The following EML5 variants were observed in gnomAD, a reference collection of about 807,000 sequenced individuals.
EML5 encodes the protein EMAP like 5, also known as echinoderm microtubule-associated protein-like 5.
EML5 carries 120 observed loss-of-function variants against 250.0 expected under a neutral mutation model. That is an observed-to-expected ratio of 0.48 (90% CI 0.41 to 0.56). EML5 has a LOEUF of 0.56. EML5 is among the 20% of genes least tolerant of loss of function. The pLI is 0.00. For missense variants in EML5, 2,006 were observed against 2,437.6 expected (o/e 0.82, Z 3.73); for synonymous variants, 771 against 806.5 (o/e 0.96, Z 0.75).
At chr14:88,725,139 T>C (rs2093647891) in intron 8 of EML5, among the ~76,000 whole-genome samples, 1 of 152,226 alleles carries the variant, frequency 6.6e-6, no homozygotes, top group African/African-American at 2.4e-5. Flanking sequence ...ATGATGGTTA[T>C]CATGGGCTTA....
At chr14:88,786,214 A>G (rs1478747963) in intron 1 of EML5, among the ~76,000 whole-genome samples, 1 of 152,152 alleles carries the variant, frequency 6.6e-6, no homozygotes, top group African/African-American at 2.4e-5. Context: ...CTAAATACCT[A>G]TCTAAACTCT....
intron 5 of EML5, 56 bp downstream of exon 5, chr14:88,740,331 T>C: frequency 6.9e-7 from 1 of 1,453,628 alleles, no homozygotes; most frequent in Non-Finnish European, 9.3e-7. Context: ...TCTATCATTC[T>C]AAGACAAGGT....
At chr14:88,687,487 C>T (rs1045942873) in intron 18 of EML5, among the ~76,000 whole-genome samples, 160 bp from the exon 19 acceptor site, 23 of 152,112 alleles carry the variant, frequency 1.5e-4, no homozygotes, top group African/African-American at 4.3e-4. Context: ...GTTTTTAAAC[C>T]GTCTACATGG....
chr14:88,715,533 G>A (rs1283060611), intron 8 of EML5, among the ~76,000 whole-genome samples: 4 of 152,022 alleles, frequency 2.6e-5, no homozygotes, highest in Admixed American at 2.0e-4. Context: ...TAAATATGGA[G>A]TTTATGAAAA....
chr14:88,660,770 A>AAAAAAG (rs2092068412), intron 25 of EML5, among the ~76,000 whole-genome samples: 9 of 152,006 alleles, frequency 5.9e-5, no homozygotes, highest in African/African-American at 2.2e-4. Context: ...AAGAAAAAAA[A>AAAAAAG]AACTTAATAT....
intron 25 of EML5, 76 bp downstream of exon 25, chr14:88,661,578 G>A (rs562943243): frequency 2.0e-5 from 25 of 1,274,074 alleles, no homozygotes; most frequent in Middle Eastern, 3.8e-4. Context: ...TAATAACAAT[G>A]AAGTGCTATG....
chr14:88,646,258 C>T (rs1376613477), intron 29 of EML5, among the ~76,000 whole-genome samples: 1 of 151,966 alleles, frequency 6.6e-6, no homozygotes, highest in Non-Finnish European at 1.5e-5. Context: ...CTTAAACATC[C>T]AATAAGAAAT....
chr14:88,645,222 C>T (rs1331409387), intron 29 of EML5, among the ~76,000 whole-genome samples: 3 of 152,140 alleles, frequency 2.0e-5, no homozygotes, highest in East Asian at 3.9e-4. Context: ...GATGGGGTTT[C>T]GCCATGTTGG....
chr14:88,747,597 T>C (rs1297088442), intron 2 of EML5, among the ~76,000 whole-genome samples: 2 of 152,098 alleles, frequency 1.3e-5, no homozygotes, highest in African/African-American at 2.4e-5. Flanking sequence ...GAAATAAGCT[T>C]AATGTGCGAA....
intron 25 of EML5, among the ~76,000 whole-genome samples, chr14:88,661,177 C>T (rs529397804): frequency 1.3e-5 from 2 of 152,330 alleles, no homozygotes; most frequent in African/African-American, 4.8e-5. Flanking sequence ...TAGCCTCCAA[C>T]TCCTGGGCTC....
At chr14:88,782,592 C>T (rs1489944775) in intron 1 of EML5, among the ~76,000 whole-genome samples, 2 of 152,170 alleles carry the variant, frequency 1.3e-5, no homozygotes, top group African/African-American at 2.4e-5. Flanking sequence ...CTGCTACATA[C>T]AGCCTAGAGA....
chr14:88,640,080 G>A (rs549092720), intron 31 of EML5, among the ~76,000 whole-genome samples: 47 of 152,156 alleles, frequency 3.1e-4, no homozygotes, highest in Admixed American at 1.3e-4. Context: ...AATACTACTA[G>A]GCCCCCCAAA....
intron 15 of EML5, among the ~76,000 whole-genome samples, chr14:88,696,468 C>G (rs551328613): frequency 3.2e-4 from 49 of 152,166 alleles, no homozygotes; most frequent in African/African-American, 1.1e-3. Context: ...TCTTTGCTAG[C>G]CTTTTACCCT....
At chr14:88,732,031 T>C (rs1342942418) in intron 7 of EML5, among the ~76,000 whole-genome samples, 1 of 152,192 alleles carries the variant, frequency 6.6e-6, no homozygotes, top group Non-Finnish European at 1.5e-5. Context: ...TTCACTCTGA[T>C]GGTAGTTTCT....
intron 23 of EML5, among the ~76,000 whole-genome samples, chr14:88,664,281 AAAAAAAAAAG>A (rs2092237333): frequency 2.0e-5 from 3 of 151,584 alleles, no homozygotes; most frequent in Admixed American, 6.6e-5. Context: ...GTCTCAAAAA[AAAAAAAAAAG>A]AAAAGAAAAA....
Position 88,792,791 on chromosome 14 carries a change from C to T in EML5, c.-288G>A, listed in dbSNP as rs2094623598. On this transcript the variant is annotated 5_prime_UTR_variant, in exon 1 of 44. Coordinates refer to ENST00000554922, the MANE Select transcript of EML5 (RefSeq NM_183387.3). The surrounding 1 kb of genome is among the most constrained non-coding windows in gnomAD (Gnocchi z 6.9). ...CCTCGGCTCGCCTAGTCTCCTCAGC[C>T]CGTAGCGCCTGGGCCGAGAGCGAGG... 1 of 1,004,480 alleles carries T rather than the reference C, an allele frequency of 1.0e-6. No homozygotes were observed. Among genetic ancestry groups the T allele is most frequent in the African/African-American group, 1.7e-5 (1 of 58,134 alleles). The allele number at this position is 1,004,480 out of a possible 1,614,324, so 62.2% of individuals were successfully genotyped here.
rs1355339142 is a variant in EML5, at chr14:88,612,521, A to T, written c.*3297T>A. 1 of 152,480 alleles carries T rather than the reference A, an allele frequency of 6.6e-6. No homozygotes were observed. Among genetic ancestry groups the T allele is most frequent in the Non-Finnish European group, 1.5e-5 (1 of 68,032 alleles). 9.4% of individuals were successfully genotyped at this position (152,480 alleles called of 1,614,324 possible). ...CACAAAATTATACAAATTTTTTTACAAGTATTTACATACTGTATCTGAAAA... is the reference window on the plus strand; with the variant it reads ...CACAAAATTATACAAATTTTTTTACTAGTATTTACATACTGTATCTGAAAA... On this transcript the variant is annotated 3_prime_UTR_variant, in exon 44 of 44. Transcript: ENST00000554922.
At chr14:88,770,472 A>G (rs1487893515) in intron 1 of EML5, among the ~76,000 whole-genome samples, 1 of 152,162 alleles carries the variant, frequency 6.6e-6, no homozygotes, top group Admixed American at 6.5e-5. Context: ...ACAAGAGACC[A>G]TTCAGTACAG....
In EML5 at chr14:88,704,884, C is replaced by T. The variant is rs768358354; in HGVS notation, c.2027G>A (p.Ser676Asn). Residue 676 changes from serine to asparagine, a missense_variant, in exon 13 of 44, where the codon AGT (serine) becomes AAT (asparagine). This residue lies in a region of EML5 where 1,375 missense variants were observed against 1,590.3 expected (regional missense o/e 0.86). Coordinates refer to ENST00000554922, the MANE Select transcript of EML5 (RefSeq NM_183387.3). ...CCCGTGAACAAAGTGTAATCGAATACTATTTCCTGGAGCCCGCTCTCTTCT... is the reference window on the plus strand; with the variant it reads ...CCCGTGAACAAAGTGTAATCGAATATTATTTCCTGGAGCCCGCTCTCTTCT... ...SKRRERAPGN[S>N]IRLHFVHGYR... 1.2e-5 allele frequency: 19 copies of T among 1,612,884 alleles called. No individual in the cohort carries two copies. The highest frequency in any genetic ancestry group is 6.7e-5 in the East Asian group (3 of 44,776).
Sources: gnomAD v4.1 joint callset for allele counts (sites outside exome capture counted in the v4.1 genomes callset) on GRCh38, gnomAD v4.1.1 for gene constraint, gnomAD v4.1.1 regional missense constraint, Gnocchi (gnomAD v3.1) non-coding constraint, MANE v1.5 for transcripts, NCBI Gene and HGNC (gene_info 2026-07-23, HGNC 2026-07-21) for gene names.